The following MALRD1 variants were observed in gnomAD, a reference collection of about 807,000 sequenced individuals.
MALRD1 encodes MAM and LDL receptor class A domain containing 1.
Under a neutral mutation model 242.1 loss-of-function variants are expected in MALRD1, and 247 were observed. The ratio of observed to expected loss-of-function variants is 1.02; its 90% CI spans 0.92 to 1.13. MALRD1 has a LOEUF of 1.13. Among genes scored for constraint, MALRD1 ranks in the 50% most tolerant of loss-of-function variants. MALRD1 has a pLI of 0.00. For missense variants in MALRD1, 2,989 were observed against 2,533.1 expected, an observed-to-expected ratio of 1.18 and a Z score of -3.86; for synonymous variants, 995 against 866.6, an observed-to-expected ratio of 1.15 and a Z score of -2.60.
chr10:19,136,691 T>G lies in MALRD1; in HGVS notation c.1321T>G (p.Cys441Gly). 2 of 1,231,754 alleles carry G rather than the reference T, an allele frequency of 1.6e-6. No individual in the cohort carries two copies. The highest frequency in any genetic ancestry group is 2.0e-6 in the Non-Finnish European group (2 of 988,002). The allele number at this position is 1,231,754 out of a possible 1,614,324, so 76.3% of individuals were successfully genotyped here. A position where few individuals can be genotyped will look rare whatever the true frequency, so the allele number is the denominator to read the frequency against. ...RKLCSADEFP[C>G]TSGQCIAKES... ...GCTTTGCTCTGCAGACGAATTCCCT[T>G]GCACTAGTGGCCAGTGCATCGCCAA... is the stretch of plus-strand genomic sequence containing the variant. The change falls in exon 10 of 40, where the codon TGC becomes GGC. Residue 441 changes from cysteine to glycine, a missense_variant. By Grantham distance (159) the Cys-to-Gly change is radical. Transcript: ENST00000454679.
At chr10:19,248,355 C>G (rs1329862319) in intron 18 of MALRD1, among the ~76,000 whole-genome samples, 2 of 149,516 alleles carry the variant, frequency 1.3e-5, no homozygotes, top group Non-Finnish European at 3.0e-5. Context: ...TTGTAAGGGT[C>G]CAAAGTCAGT....
At chr10:19,119,226 G>A (rs1001012946) in intron 5 of MALRD1, among the ~76,000 whole-genome samples, 3 of 152,150 alleles carry the variant, frequency 2.0e-5, no homozygotes, top group Non-Finnish European at 2.9e-5. Flanking sequence ...GATAAGAAAG[G>A]CTGTGGGAAG....
chr10:19,260,631 G>A (rs1274665145), intron 19 of MALRD1, among the ~76,000 whole-genome samples: 1 of 151,936 alleles, frequency 6.6e-6, no homozygotes, highest in Non-Finnish European at 1.5e-5. Flanking sequence ...ATTATAACCG[G>A]CCATTCTTAC....
At chr10:19,127,204 G>A (rs960188839) in intron 7 of MALRD1, among the ~76,000 whole-genome samples, 11 of 152,176 alleles carry the variant, frequency 7.2e-5, no homozygotes, top group Non-Finnish European at 1.0e-4. Flanking sequence ...TGTGAATAGT[G>A]TACAGACTAT....
intron 14 of MALRD1, among the ~76,000 whole-genome samples, chr10:19,177,617 G>A (rs1835319264): frequency 6.6e-6 from 1 of 152,106 alleles, no homozygotes; most frequent in African/African-American, 2.4e-5. Context: ...AAGATGCAAA[G>A]TCCCAGGGAA....
intron 26 of MALRD1, among the ~76,000 whole-genome samples, chr10:19,386,471 C>G (rs1299131051): frequency 6.6e-6 from 1 of 151,914 alleles, no homozygotes; most frequent in Non-Finnish European, 1.5e-5. Context: ...AAGCTGATAT[C>G]CCAAGCTGGA....
intron 33 of MALRD1, among the ~76,000 whole-genome samples, chr10:19,571,971 T>TC (rs1836570233): frequency 6.6e-6 from 1 of 152,196 alleles, no homozygotes; most frequent in Non-Finnish European, 1.5e-5. Flanking sequence ...AACCTCGTAT[T>TC]AGGTGTTTTG....
chr10:19,484,207 T>G (rs771237882), intron 29 of MALRD1, among the ~76,000 whole-genome samples: 8 of 152,184 alleles, frequency 5.3e-5, no homozygotes, highest in Non-Finnish European at 8.8e-5. Context: ...TATTTGTATC[T>G]CAAATCTCAG....
intron 11 of MALRD1, among the ~76,000 whole-genome samples, chr10:19,153,568 C>T (rs1264896575): frequency 5.3e-5 from 8 of 151,944 alleles, no homozygotes; most frequent in African/African-American, 1.7e-4. Context: ...GTAGTGTGCT[C>T]CTGTACTCCC....
chr10:19,216,045 T>A (rs1026534601), intron 18 of MALRD1, among the ~76,000 whole-genome samples: 7 of 151,726 alleles, frequency 4.6e-5, no homozygotes, highest in African/African-American at 1.7e-4. Flanking sequence ...GGTAGAGTAT[T>A]GAAAAATAAG....
Position 19,674,382 on chromosome 10 carries a change from A to G in MALRD1, c.6138-17900A>G, listed in dbSNP as rs565351511. 6.6e-5 allele frequency among the ~76,000 whole-genome samples: 10 copies of G among 152,296 alleles called. 1 individual carries two copies. In the South Asian group the frequency reaches 2.1e-3, roughly 32 times the overall value. On this transcript the variant is annotated intron_variant, in intron 36 of 39. Coordinates refer to ENST00000454679, the MANE Select transcript of MALRD1 (RefSeq NM_001142308.3). ...TCTCCATCTGATGGAAAGCCATTGAAAAATTTCCTGTTTTAGTTGAGCAAG... is the reference window on the plus strand; with the variant it reads ...TCTCCATCTGATGGAAAGCCATTGAGAAATTTCCTGTTTTAGTTGAGCAAG...
chr10:19,313,721 ATAT>A (rs1842524723), intron 21 of MALRD1, among the ~76,000 whole-genome samples: 2 of 151,740 alleles, frequency 1.3e-5, no homozygotes, highest in South Asian at 4.1e-4. Context: ...TAAATAAAAT[ATAT>A]TACATCATGT....
intron 21 of MALRD1, among the ~76,000 whole-genome samples, chr10:19,284,351 C>G (rs1430565238): frequency 6.6e-6 from 1 of 150,782 alleles, no homozygotes; most frequent in Non-Finnish European, 1.5e-5. Context: ...GCTGCACCCA[C>G]TAACTCGTCA....
At position 19,387,539 on chromosome 10, in the gene MALRD1, CT is replaced by C; in HGVS notation, c.4455del (p.Gly1486AlafsTer20). 1 of 1,549,990 alleles carries C rather than the reference CT, an allele frequency of 6.5e-7. No homozygotes were observed. Among genetic ancestry groups the C allele is most frequent in the Non-Finnish European group, 8.7e-7 (1 of 1,146,700 alleles). On this transcript the variant is annotated frameshift_variant, in exon 27 of 40. Coordinates refer to ENST00000454679, the MANE Select transcript of MALRD1 (RefSeq NM_001142308.3). LOFTEE classifies it high-confidence loss of function. The stretch of plus-strand genomic sequence containing the variant: ...TTGTTTTGTTTTAGGTTTCTGCCCA[CT>C]TGGCTATAGGGAATGTCATAATGGA... ...AVPLPTGFCP[L>X]GYRECHNGKC...
intron 29 of MALRD1, chr10:19,491,211 C>G (rs1255851283): frequency 1.7e-6 from 1 of 585,430 alleles, no homozygotes; most frequent in Non-Finnish European, 3.1e-6. Flanking sequence ...CTGCACATAC[C>G]CTTTACCAGG....
intron 38 of MALRD1, among the ~76,000 whole-genome samples, chr10:19,717,502 G>C (rs572705116): frequency 1.3e-5 from 2 of 152,162 alleles, no homozygotes; most frequent in East Asian, 3.8e-4. Flanking sequence ...TGGGCCATCA[G>C]TGTAAATGTC....
At chr10:19,275,088 T>G (rs1840445988) in intron 19 of MALRD1, among the ~76,000 whole-genome samples, 1 of 152,026 alleles carries the variant, frequency 6.6e-6, no homozygotes, top group Non-Finnish European at 1.5e-5. Context: ...TTTCTTTCTA[T>G]TCTTTCTTCC....
chr10:19,171,722 G>GTGTGTATGTGTGTGTA (rs1834972837), intron 13 of MALRD1, among the ~76,000 whole-genome samples: 2 of 131,078 alleles, frequency 1.5e-5, no homozygotes, highest in South Asian at 4.6e-4. Context: ...GTATATACAC[G>GTGTGTATGTGTGTGTA]TATATACGTA....
At chr10:19,272,176 T>C (rs996172321) in intron 19 of MALRD1, among the ~76,000 whole-genome samples, 1 of 151,972 alleles carries the variant, frequency 6.6e-6, no homozygotes, top group African/African-American at 2.4e-5. Context: ...AATTTAAAAA[T>C]TATAGAAACA....
Sources: allele counts gnomAD v4.1 joint callset (sites outside exome capture counted in the v4.1 genomes callset), GRCh38; gene constraint gnomAD v4.1.1; transcripts MANE v1.5; gene names NCBI Gene and HGNC (gene_info 2026-07-23, HGNC 2026-07-21).